Variants in PSMD2 observed in about 807,000 individuals in gnomAD.
PSMD2 encodes 26S proteasome non-ATPase regulatory subunit 2.
A neutral mutation model predicts 101.5 loss-of-function variants in PSMD2; 8 were observed. The ratio of observed to expected loss-of-function variants is 0.08; its 90% CI spans 0.05 to 0.14. PSMD2 has a LOEUF of 0.14. Ranked by LOEUF, PSMD2 falls within the 10% of genes least tolerant of loss-of-function variation. The pLI, the probability that PSMD2 is intolerant of heterozygous loss-of-function variation, is 1.00. For synonymous variants in PSMD2, 418 were observed against 433.8 expected, an observed-to-expected ratio of 0.96 and a Z score of 0.45; for missense variants, 784 against 1,147.4, an observed-to-expected ratio of 0.68 and a Z score of 4.58.
Position 184,299,353 on chromosome 3 carries a change from C to A in PSMD2, c.87C>A (p.Ser29Arg), listed in dbSNP as rs1161247727. ...CCGGCGGCACGGACGAGAAGCCGAG[C>A]GGCAAGGAGCGGCGGGATGCCGGGG... ...AAPGGTDEKP[S>R]GKERRDAGDK... The change falls in exon 1 of 21, where the codon AGC becomes AGA. Residue 29 changes from serine (S) to arginine (R), a missense_variant. By Grantham distance (110) the Ser-to-Arg change is moderately radical. Transcript: ENST00000310118. The A allele has an allele frequency of 6.4e-6, 9 of 1,411,814 alleles. No individual in the cohort carries two copies. Among genetic ancestry groups the A allele is most frequent in the South Asian group, 1.4e-5 (1 of 68,974 alleles). 87.5% of individuals were successfully genotyped at this position (1,411,814 alleles called of 1,614,324 possible).
rs560174500 is a variant in PSMD2, at chr3:184,306,943, G to A, written c.2034+109G>A. The A allele has an allele frequency of 8.0e-6, 7 of 874,260 alleles. No homozygotes were observed. In the Admixed American group the frequency reaches 1.0e-4, roughly 13 times the overall value. The allele number at this position is 874,260 out of a possible 1,614,324, so 54.2% of individuals were successfully genotyped here. ...TTGGTGGAGAGCTGGTCTTTTTGCT[G>A]TGCCTTTTCTTTCTTTTTTCTTTTC... On this transcript the variant is annotated intron_variant, in intron 16 of 20. Transcript: ENST00000310118.
chr3:184,302,116 G>C, intron 5 of PSMD2, 45 bp downstream of exon 5: 2 of 1,577,854 alleles, frequency 1.3e-6, no homozygotes, highest in Admixed American at 1.7e-5. Context: ...GCCCTCCTCA[G>C]CACCTCTCTC....
rs1721595317 is a variant in PSMD2, at chr3:184,300,215, T to C, written c.193-65T>C. The C allele has an allele frequency of 5.5e-6, 8 of 1,451,220 alleles. No homozygotes were observed. The South Asian group carries it at 8.7e-5, about 16-fold the overall frequency. The allele number at this position is 1,451,220 out of a possible 1,614,324, so 89.9% of individuals were successfully genotyped here. A position where few individuals can be genotyped will look rare whatever the true frequency, so the allele number is the denominator to read the frequency against. On this transcript the variant is annotated intron_variant, in intron 2 of 20. Coordinates refer to ENST00000310118, the MANE Select transcript of PSMD2 (RefSeq NM_002808.5). ...CTTGGAGGAGTTGTTAAGTTAAATA[T>C]CTCTGTATTATGACTTGAAGGGGTG...
chr3:184,305,988 G>C, intron 13 of PSMD2, 58 bp downstream of exon 13: 1 of 1,613,212 alleles, frequency 6.2e-7, no homozygotes, highest in South Asian at 1.1e-5. Context: ...CAACAGGGAG[G>C]GTTTATGTGT....
At position 184,307,491 on chromosome 3, in the gene PSMD2, T is replaced by C. The variant is rs370543712; in HGVS notation, c.2169T>C (p.Tyr723=). The C allele has an allele frequency of 1.7e-5, 27 of 1,614,114 alleles. No homozygotes were observed. The highest frequency in any genetic ancestry group is 2.3e-5 in the Non-Finnish European group (27 of 1,180,048). ...ATGATGCTGATCCAGAAGTTTCCTA[T>C]AACTCCATTTTTGCCATGGGCATGG... ...FSHDADPEVS[Y]NSIFAMGMVG... is the part of the protein sequence containing the mutation. Residue 723 remains tyrosine, a synonymous_variant, in exon 17 of 21, where the codon TAT becomes TAC. Transcript: ENST00000310118.
At position 184,299,302 on chromosome 3, in the gene PSMD2, G is replaced by A. The variant is rs919653005; in HGVS notation, c.36G>A (p.Gln12=). The A allele has an allele frequency of 2.5e-5, 35 of 1,399,866 alleles. No homozygotes were observed. In the African/African-American group the frequency reaches 4.7e-4, roughly 19 times the overall value. 86.7% of individuals were successfully genotyped at this position (1,399,866 alleles called of 1,614,324 possible). A position where few individuals can be genotyped will look rare whatever the true frequency, so the allele number is the denominator to read the frequency against. ...GAGGCCGGGACAAGGCGCCGGTGCAGCCCCAGCAGTCTCCAGCGGCGGCCC... is the reference window on the plus strand; with the variant it reads ...GAGGCCGGGACAAGGCGCCGGTGCAACCCCAGCAGTCTCCAGCGGCGGCCC... ...EEGGRDKAPV[Q]PQQSPAAAPG... The change falls in exon 1 of 21, where the codon CAG becomes CAA. Residue 12 remains glutamine, a synonymous_variant. Transcript: ENST00000310118.
Position 184,305,256 on chromosome 3 carries a change from C to T in PSMD2, c.1540-512C>T, listed in dbSNP as rs528763136. On this transcript the variant is annotated intron_variant, in intron 12 of 20. Coordinates refer to ENST00000310118, the MANE Select transcript of PSMD2 (RefSeq NM_002808.5). Reference sequence around the variant, plus strand: ...CTGTAATCCCAGCACTTTGGGAGGCCGAGGTGGGTGGATCATAAGGTCAAG... The same window carrying T: ...CTGTAATCCCAGCACTTTGGGAGGCTGAGGTGGGTGGATCATAAGGTCAAG... Among the ~76,000 whole-genome samples, 29 of 152,200 alleles carry T rather than the reference C, an allele frequency of 1.9e-4. No homozygotes were observed. The East Asian group carries it at 4.4e-3, about 23-fold the overall frequency.
chr3:184,304,661 G>A lies in PSMD2; in HGVS notation c.1539+270G>A, dbSNP rs540787014. Among the ~76,000 whole-genome samples, 3 of 152,214 alleles carry A rather than the reference G, an allele frequency of 2.0e-5. No individual in the cohort carries two copies. Among genetic ancestry groups the A allele is most frequent in the Admixed American group, 6.5e-5 (1 of 15,278 alleles). ...AGCACTTTGGGAGGCTGCAGTGGGC[G>A]GATCACTTGAGCCCAGGAGTTCGAG... On this transcript the variant is annotated intron_variant, in intron 12 of 20. Transcript: ENST00000310118. The surrounding 1 kb of genome is among the most constrained non-coding windows in gnomAD (Gnocchi z 4.1).
rs1426047053 is a variant in PSMD2 at position 184,304,575 on chromosome 3, G to A, written c.1539+184G>A. On this transcript the variant is annotated intron_variant, in intron 12 of 20. Coordinates refer to ENST00000310118, the MANE Select transcript of PSMD2 (RefSeq NM_002808.5). This position sits in a 1 kb window ranked among gnomAD's most constrained non-coding sequence, Gnocchi z 4.1. ...TGATCTGGGATTCTAAGCCTCTGGT[G>A]GTTTTAAGGCTAAAGAGTTAACATT... 6.6e-6 allele frequency among the ~76,000 whole-genome samples: 1 copy of A among 152,190 alleles called. No homozygotes were observed. Among genetic ancestry groups the A allele is most frequent in the African/African-American group, 2.4e-5 (1 of 41,438 alleles).
At chr3:184,301,447 G>T in intron 3 of PSMD2, 90 bp from the exon 4 acceptor site, 1 of 1,508,562 alleles carries the variant, frequency 6.6e-7, no homozygotes. Context: ...AGTTAGTTCA[G>T]TTTCGGAGAC....
At chr3:184,299,720 C>A in intron 1 of PSMD2, 131 bp from the exon 2 acceptor site, 2 of 764,418 alleles carry the variant, frequency 2.6e-6, no homozygotes, top group South Asian at 1.7e-5. Flanking sequence ...GCTTCCCATT[C>A]CCACTCGGTT....
chr3:184,305,254 G>A (rs564795380), intron 12 of PSMD2, among the ~76,000 whole-genome samples: 1 of 152,290 alleles, frequency 6.6e-6, no homozygotes, highest in African/African-American at 2.4e-5. Context: ...ACTTTGGGAG[G>A]CCGAGGTGGG....
rs1323960116 is a variant in PSMD2, at chr3:184,303,187, C to T, written c.1069+125C>T. 3 of 1,496,888 alleles carry T rather than the reference C, an allele frequency of 2.0e-6. No individual in the cohort carries two copies. In the East Asian group the frequency reaches 6.8e-5, roughly 34 times the overall value. The allele number at this position is 1,496,888 out of a possible 1,614,324, so 92.7% of individuals were successfully genotyped here. On this transcript the variant is annotated intron_variant, in intron 8 of 20. Transcript: ENST00000310118. ...GAATCCTCATGAATCTTTTTCAGGT[C>T]ACTGCTTGGGGGGGTATAGGTAGAG...
chr3:184,308,344 G>T lies in PSMD2; in HGVS notation c.2426-105G>T. The T allele has an allele frequency of 1.1e-6, 1 of 943,516 alleles. No homozygotes were observed. 58.4% of individuals were successfully genotyped at this position (943,516 alleles called of 1,614,324 possible). On this transcript the variant is annotated intron_variant, in intron 19 of 20. Coordinates refer to ENST00000310118, the MANE Select transcript of PSMD2 (RefSeq NM_002808.5). This position sits in a 1 kb window ranked among gnomAD's most constrained non-coding sequence, Gnocchi z 6.0. Reference sequence around the variant, plus strand: ...TGAGGGGAGGAGTGTGGATTCAGTCGTATGACTGACGGGTTAAAGGGTCAG... The same window carrying T: ...TGAGGGGAGGAGTGTGGATTCAGTCTTATGACTGACGGGTTAAAGGGTCAG...
chr3:184,308,969 C>T lies in PSMD2; in HGVS notation c.*79C>T, dbSNP rs1577162358. ...CTGCTGCCAAGGGTGGACACGGCTG[C>T]AGACTTCTGGGGGAATTGTCGCCTC... is the stretch of plus-strand genomic sequence containing the variant. On this transcript the variant is annotated 3_prime_UTR_variant, in exon 21 of 21. Coordinates refer to ENST00000310118, the MANE Select transcript of PSMD2 (RefSeq NM_002808.5). This position sits in a 1 kb window ranked among gnomAD's most constrained non-coding sequence, Gnocchi z 6.0. 4.9e-6 allele frequency: 7 copies of T among 1,437,676 alleles called. No individual in the cohort carries two copies. In the South Asian group the frequency reaches 9.1e-5, roughly 19 times the overall value. 89.1% of individuals were successfully genotyped at this position (1,437,676 alleles called of 1,614,324 possible). A position where few individuals can be genotyped will look rare whatever the true frequency, so the allele number is the denominator to read the frequency against.
chr3:184,300,462 C>T lies in PSMD2; in HGVS notation c.357+18C>T. ...AGAATAAGGTAAAACTGTTTCAAAC[C>T]TGGTGGAGGCCTAGTTTAGGAATTC... On this transcript the variant is annotated intron_variant, in intron 3 of 20. Transcript: ENST00000310118. The T allele has an allele frequency of 6.2e-7, 1 of 1,607,936 alleles. No homozygotes were observed.
chr3:184,301,662 A>T lies in PSMD2; in HGVS notation c.479+4A>T. The T allele has an allele frequency of 6.2e-7, 1 of 1,614,138 alleles. No individual in the cohort carries two copies. Among genetic ancestry groups the T allele is most frequent in the Non-Finnish European group, 8.5e-7 (1 of 1,179,992 alleles). Reference sequence around the variant, plus strand: ...CATGGGGTCATGAGTATGTCAGGTAAGATCTTTCTTCTTGGGAATCCGAAG... The same window carrying T: ...CATGGGGTCATGAGTATGTCAGGTATGATCTTTCTTCTTGGGAATCCGAAG... On this transcript the variant is annotated splice_donor_region_variant and intron_variant, in intron 4 of 20. Transcript: ENST00000310118.
intron 8 of PSMD2, 50 bp downstream of exon 8, chr3:184,303,112 C>G: frequency 6.3e-7 from 1 of 1,586,372 alleles, no homozygotes; most frequent in Non-Finnish European, 8.7e-7. Context: ...AGGTATGCCC[C>G]TTGTATTGGG....
Position 184,304,934 on chromosome 3 carries a change from T to C in PSMD2, c.1539+543T>C, listed in dbSNP as rs1298198919. ...ACATTTTAGTGTTGAGTTCTGTCCC[T>C]TGGAATCTCTGAGAAACTACTTGGA... is the stretch of plus-strand genomic sequence containing the variant. On this transcript the variant is annotated intron_variant, in intron 12 of 20. Transcript: ENST00000310118. The surrounding 1 kb of genome is among the most constrained non-coding windows in gnomAD (Gnocchi z 4.1). Among the ~76,000 whole-genome samples, 1 of 152,132 alleles carries C rather than the reference T, an allele frequency of 6.6e-6. No individual in the cohort carries two copies.
Sources: gnomAD v4.1 joint callset for allele counts (sites outside exome capture counted in the v4.1 genomes callset) on GRCh38, gnomAD v4.1.1 for gene constraint, Gnocchi (gnomAD v3.1) non-coding constraint, MANE v1.5 for transcripts, NCBI Gene and HGNC (gene_info 2026-07-23, HGNC 2026-07-21) for gene names.